The following TRIP13 variants were observed in gnomAD, a reference collection of about 807,000 sequenced individuals.
The protein encoded by TRIP13 is thyroid hormone receptor interactor 13, also known as pachytene checkpoint protein 2 homolog.
Under a neutral mutation model 54.4 loss-of-function variants are expected in TRIP13, and 25 were observed. The ratio of observed to expected loss-of-function variants is 0.46; its 90% CI spans 0.33 to 0.64. The LOEUF (loss-of-function observed/expected upper bound fraction) is 0.64, where lower values mean the gene tolerates loss of function less well. Among genes scored for constraint, TRIP13 ranks in the 30% least tolerant of loss-of-function variants. The pLI, the probability that TRIP13 is intolerant of heterozygous loss-of-function variation, is 0.02. For missense variants in TRIP13, 373 were observed against 534.2 expected (o/e 0.70, Z 2.97); for synonymous variants, 207 against 207.8 (o/e 1.00, Z 0.03).
chr5:907,869 C>T lies in TRIP13; in HGVS notation c.673-119C>T. On this transcript the variant is annotated intron_variant, in intron 7 of 12. Coordinates refer to ENST00000166345, the MANE Select transcript of TRIP13 (RefSeq NM_004237.4). This position sits in a 1 kb window ranked among gnomAD's most constrained non-coding sequence, Gnocchi z 4.1. The stretch of plus-strand genomic sequence containing the variant: ...CTGATTTAGGGAGCTTTCTGAGGGG[C>T]CGTCAGGAGACAGTGGGCTTGTGGG... The T allele has an allele frequency of 1.0e-6, 1 of 956,778 alleles. No individual in the cohort carries two copies. Among genetic ancestry groups the T allele is most frequent in the Non-Finnish European group, 1.7e-6 (1 of 604,194 alleles). 59.3% of individuals were successfully genotyped at this position (956,778 alleles called of 1,614,324 possible).
rs1290091976 is a variant in TRIP13, at chr5:913,971, G to T, written c.1021-494G>T. 6.6e-6 allele frequency among the ~76,000 whole-genome samples: 1 copy of T among 152,088 alleles called. No homozygotes were observed. Among genetic ancestry groups the T allele is most frequent in the Non-Finnish European group, 1.5e-5 (1 of 68,038 alleles). On this transcript the variant is annotated intron_variant, in intron 10 of 12. Transcript: ENST00000166345. This position sits in a 1 kb window ranked among gnomAD's most constrained non-coding sequence, Gnocchi z 4.5. ...ATGATCTCTGAGGGGAACTTCTGGT[G>T]CTCAGCTCCTCGGTCAGTCAGACAC...
intron 3 of TRIP13, among the ~76,000 whole-genome samples, chr5:897,069 T>G (rs1174860236): frequency 6.6e-6 from 1 of 152,240 alleles, no homozygotes; most frequent in Non-Finnish European, 1.5e-5. Context: ...TCTGTCCTGC[T>G]GAGTGGCTCC....
rs1193417432 is a variant in TRIP13 at position 904,141 on chromosome 5, G to A, written c.536-7G>A. On this transcript the variant is annotated splice_polypyrimidine_tract_variant and splice_region_variant and intron_variant, in intron 5 of 12. Coordinates refer to ENST00000166345, the MANE Select transcript of TRIP13 (RefSeq NM_004237.4). ...TAAAAATATATTTGCTTGGATCTTTGTCACAGGTCCTCCTGGCACTGGAAA... is the reference window on the plus strand; with the variant it reads ...TAAAAATATATTTGCTTGGATCTTTATCACAGGTCCTCCTGGCACTGGAAA... The A allele has an allele frequency of 6.3e-7, 1 of 1,599,368 alleles. No individual in the cohort carries two copies. Among genetic ancestry groups the A allele is most frequent in the South Asian group, 1.2e-5 (1 of 86,934 alleles).
At chr5:909,647 C>A (rs1210581475) in intron 9 of TRIP13, among the ~76,000 whole-genome samples, 1 of 152,234 alleles carries the variant, frequency 6.6e-6, no homozygotes, top group Admixed American at 6.5e-5. Flanking sequence ...GTCGCACAGC[C>A]TTCAGAGCTG....
intron 5 of TRIP13, among the ~76,000 whole-genome samples, chr5:902,443 T>C (rs756533630): frequency 3.9e-5 from 6 of 152,372 alleles, no homozygotes; most frequent in Non-Finnish European, 7.3e-5. Flanking sequence ...TGAAATAAGT[T>C]GTTTCTGTTT....
At chr5:893,861 G>A (rs950414270) in intron 1 of TRIP13, 1 of 153,000 alleles carries the variant, frequency 6.5e-6, no homozygotes. Context: ...CCTGCACAAA[G>A]CCCCATCACA....
At chr5:901,236 T>C in intron 4 of TRIP13, 105 bp from the exon 5 acceptor site, 1 of 975,162 alleles carries the variant, frequency 1.0e-6, no homozygotes. Flanking sequence ...TCGCTCCCTG[T>C]GCTCCCTCTT....
rs1281952172 is a variant in TRIP13, at chr5:917,345, ATTGT to A, written c.*247_*250del. On this transcript the variant is annotated 3_prime_UTR_variant, in exon 13 of 13. Coordinates refer to ENST00000166345, the MANE Select transcript of TRIP13 (RefSeq NM_004237.4). Reference sequence around the variant, plus strand: ...TCACTGTTTGTAAAAGATAATTCAGATTGTTTGTCTCCTTGTGAAGAACCATCGA... The same window carrying A: ...TCACTGTTTGTAAAAGATAATTCAGATTGTCTCCTTGTGAAGAACCATCGA... 7.2e-6 allele frequency: 3 copies of A among 414,338 alleles called. No homozygotes were observed. The highest frequency in any genetic ancestry group is 2.1e-5 in the African/African-American group (1 of 48,496). The allele number at this position is 414,338 out of a possible 1,614,324, so 25.7% of individuals were successfully genotyped here.
rs1754359047 is a variant in TRIP13, at chr5:917,165, C to T, written c.*62C>T. On this transcript the variant is annotated 3_prime_UTR_variant, in exon 13 of 13. Transcript: ENST00000166345. The stretch of plus-strand genomic sequence containing the variant: ...AACACACAACCAGTAAGTGAGGTTG[C>T]CCCACACAGCCGTCTCCCAGGGAAT... 3.0e-5 allele frequency: 46 copies of T among 1,523,948 alleles called. 1 individual carries two copies. In the South Asian group the frequency reaches 5.1e-4, roughly 17 times the overall value. The allele number at this position is 1,523,948 out of a possible 1,614,324, so 94.4% of individuals were successfully genotyped here. A position where few individuals can be genotyped will look rare whatever the true frequency, so the allele number is the denominator to read the frequency against.
chr5:893,609 T>TG (rs1753769283), intron 1 of TRIP13: 2 of 183,182 alleles, frequency 1.1e-5, no homozygotes, highest in South Asian at 1.6e-4. Context: ...AGTCAGTTCA[T>TG]GGTATGGTGG....
chr5:900,689 A>G, intron 4 of TRIP13, 140 bp downstream of exon 4: 1 of 783,086 alleles, frequency 1.3e-6, no homozygotes, highest in Non-Finnish European at 2.0e-6. Context: ...TGTCCTGGAC[A>G]TCTATCCTCT....
chr5:909,997 G>C (rs959390782), intron 9 of TRIP13, among the ~76,000 whole-genome samples: 1 of 152,218 alleles, frequency 6.6e-6, no homozygotes, highest in Non-Finnish European at 1.5e-5. Context: ...TTTTGTTATG[G>C]CCAGTTTTGG....
In TRIP13 at chr5:915,088, CT is replaced by C. The variant is rs1176335758; in HGVS notation, c.1133+512del. Among the ~76,000 whole-genome samples the C allele has an allele frequency of 6.6e-6, 1 of 152,088 alleles. No homozygotes were observed. Among genetic ancestry groups the C allele is most frequent in the Admixed American group, 6.5e-5 (1 of 15,274 alleles). On this transcript the variant is annotated intron_variant, in intron 11 of 12. Coordinates refer to ENST00000166345, the MANE Select transcript of TRIP13 (RefSeq NM_004237.4). This position sits in a 1 kb window ranked among gnomAD's most constrained non-coding sequence, Gnocchi z 4.2. ...GTGGAATGGACAGAGCCTCGGGTTT[CT>C]GGCCAGAGTTTGAATTTTATTTTGA... is the stretch of plus-strand genomic sequence containing the variant.
At chr5:894,613 G>A (rs1231213315) in intron 1 of TRIP13, among the ~76,000 whole-genome samples, 174 bp from the exon 2 acceptor site, 1 of 152,214 alleles carries the variant, frequency 6.6e-6, no homozygotes, top group Non-Finnish European at 1.5e-5. Context: ...ACAGCTGGTA[G>A]AGGACCCACA....
chr5:893,272 C>T lies in TRIP13; in HGVS notation c.92+182C>T, dbSNP rs2289829. On this transcript the variant is annotated intron_variant, in intron 1 of 12. Transcript: ENST00000166345. The stretch of plus-strand genomic sequence containing the variant: ...CCGACCGGATCCTAGCGCAATGACG[C>T]GACCCCACCGCAGGGCACTGACCCG... Among the ~76,000 whole-genome samples the T allele has an allele frequency of 3.8e-4, 58 of 152,098 alleles. No homozygotes were observed. The East Asian group carries it at 6.6e-3, about 17-fold the overall frequency.
At position 908,340 on chromosome 5, in the gene TRIP13, G is replaced by A. The variant is rs761461599; in HGVS notation, c.760-15G>A. 1 of 1,609,160 alleles carries A rather than the reference G, an allele frequency of 6.2e-7. No homozygotes were observed. Among genetic ancestry groups the A allele is most frequent in the South Asian group, 1.1e-5 (1 of 91,086 alleles). On this transcript the variant is annotated splice_polypyrimidine_tract_variant and intron_variant, in intron 8 of 12. Coordinates refer to ENST00000166345, the MANE Select transcript of TRIP13 (RefSeq NM_004237.4). This position sits in a 1 kb window ranked among gnomAD's most constrained non-coding sequence, Gnocchi z 5.2. ...AGGCCCTGTCCTTTTTGACCCCACT[G>A]CTCCCTCCCAACAGGTGGAGAGTCT... is the stretch of plus-strand genomic sequence containing the variant.
At chr5:896,345 A>G (rs1753913917) in intron 2 of TRIP13, among the ~76,000 whole-genome samples, 1 of 152,014 alleles carries the variant, frequency 6.6e-6, no homozygotes, top group South Asian at 2.1e-4. Context: ...AAAACAAAAA[A>G]CCTTATATGA....
At position 892,923 on chromosome 5, in the gene TRIP13, G is replaced by T; in HGVS notation, c.-76G>T. On this transcript the variant is annotated 5_prime_UTR_variant, in exon 1 of 13. Coordinates refer to ENST00000166345, the MANE Select transcript of TRIP13 (RefSeq NM_004237.4). ...GGCGGGGCCCGCGGGCTGAGGCAGCGGCTGTGGCGGCGACGCTGGGCGTGA... is the reference window on the plus strand; with the variant it reads ...GGCGGGGCCCGCGGGCTGAGGCAGCTGCTGTGGCGGCGACGCTGGGCGTGA... The T allele has an allele frequency of 3.0e-6, 4 of 1,336,064 alleles. No individual in the cohort carries two copies. Among genetic ancestry groups the T allele is most frequent in the Non-Finnish European group, 2.9e-6 (3 of 1,019,610 alleles). The allele number at this position is 1,336,064 out of a possible 1,614,324, so 82.8% of individuals were successfully genotyped here.
At position 913,290 on chromosome 5, in the gene TRIP13, G is replaced by A. The variant is rs190473761; in HGVS notation, c.1021-1175G>A. Among the ~76,000 whole-genome samples, 1 of 152,298 alleles carries A rather than the reference G, an allele frequency of 6.6e-6. No individual in the cohort carries two copies. Among genetic ancestry groups the A allele is most frequent in the East Asian group, 1.9e-4 (1 of 5,192 alleles). The stretch of plus-strand genomic sequence containing the variant: ...GTACACTCGTGCTGTGAATCCAGGG[G>A]CTGTTTAAAGTGTTAGCTAAGAGGG... On this transcript the variant is annotated intron_variant, in intron 10 of 12. Coordinates refer to ENST00000166345, the MANE Select transcript of TRIP13 (RefSeq NM_004237.4). This position sits in a 1 kb window ranked among gnomAD's most constrained non-coding sequence, Gnocchi z 4.5.
Sources: allele counts gnomAD v4.1 joint callset (sites outside exome capture counted in the v4.1 genomes callset), GRCh38; gene constraint gnomAD v4.1.1; non-coding constraint Gnocchi (gnomAD v3.1); transcripts MANE v1.5; gene names NCBI Gene and HGNC (gene_info 2026-07-23, HGNC 2026-07-21).